Variants in TAF12 observed in about 807,000 individuals in gnomAD.
TAF12 encodes the protein TATA-box binding protein associated factor 12.
TAF12 carries 3 observed loss-of-function variants against 20.8 expected under a neutral mutation model. The observed-to-expected ratio is 0.14, with a 90% CI of 0.07 to 0.37. The LOEUF (loss-of-function observed/expected upper bound fraction) is 0.37, where lower values mean the gene tolerates loss of function less well. Ranked by LOEUF, TAF12 falls within the 10% of genes least tolerant of loss-of-function variation. The probability of loss-of-function intolerance (pLI) is 1.00; values close to 1 mark genes in which losing one functional copy is unlikely to be tolerated. For missense variants in TAF12, 131 were observed against 197.9 expected (o/e 0.66, Z 2.03); for synonymous variants, 69 against 70.2 (o/e 0.98, Z 0.09).
Position 28,635,449 on chromosome 1 carries a change from G to A in TAF12, c.-85+7543C>T, listed in dbSNP as rs570042016. Among the ~76,000 whole-genome samples the A allele has an allele frequency of 3.3e-5, 5 of 151,068 alleles. No homozygotes were observed. In the East Asian group the frequency reaches 1.0e-3, roughly 30 times the overall value. Reference sequence around the variant, plus strand: ...GCCTCCTGAGTAGCTGGGTCTACAGGCGCCTGCCACCACACCCGGCTAATT... The same window carrying A: ...GCCTCCTGAGTAGCTGGGTCTACAGACGCCTGCCACCACACCCGGCTAATT... On this transcript the variant is annotated intron_variant, in intron 1 of 5. Transcript: ENST00000373824.
intron 4 of TAF12, among the ~76,000 whole-genome samples, chr1:28,609,712 C>A (rs926752559): frequency 6.6e-6 from 1 of 151,944 alleles, no homozygotes; most frequent in African/African-American, 2.4e-5. Context: ...GTCTCGAACA[C>A]CTGACCTCAG....
intron 1 of TAF12, among the ~76,000 whole-genome samples, chr1:28,630,749 T>G (rs745429296): frequency 2.0e-5 from 3 of 151,004 alleles, no homozygotes; most frequent in African/African-American, 2.4e-5. Flanking sequence ...CAAAAGACAA[T>G]AAGAAGATAA....
intron 4 of TAF12, among the ~76,000 whole-genome samples, chr1:28,606,199 A>G (rs1013195075): frequency 6.6e-6 from 1 of 151,924 alleles, no homozygotes; most frequent in Non-Finnish European, 1.5e-5. Context: ...GGGTTTCACC[A>G]TCTCGGTCAG....
At chr1:28,642,268 C>T (rs987466841) in intron 1 of TAF12, among the ~76,000 whole-genome samples, 2 of 152,182 alleles carry the variant, frequency 1.3e-5, no homozygotes, top group Non-Finnish European at 2.9e-5. Context: ...GTTGTCTTCC[C>T]CTGAATACGT....
chr1:28,635,276 CTTTTTTTTTTTTT>C (rs1179724707), intron 1 of TAF12, among the ~76,000 whole-genome samples: 2 of 100,636 alleles, frequency 2.0e-5, no homozygotes, highest in South Asian at 6.4e-4. Context: ...ATCCTCCCTC[CTTTTTTTTTTTTT>C]TTTTTTTTTT....
At chr1:28,635,451 G>A (rs535874020) in intron 1 of TAF12, among the ~76,000 whole-genome samples, 6 of 150,624 alleles carry the variant, frequency 4.0e-5, no homozygotes, top group South Asian at 2.1e-4. Context: ...GTCTACAGGC[G>A]CCTGCCACCA....
chr1:28,615,582 T>C (rs751620533), intron 3 of TAF12, among the ~76,000 whole-genome samples: 4 of 142,986 alleles, frequency 2.8e-5, no homozygotes, highest in Non-Finnish European at 4.5e-5. Context: ...AGGAGGCTGA[T>C]GCAGGAGAAT....
intron 3 of TAF12, among the ~76,000 whole-genome samples, chr1:28,615,548 G>A (rs181915974): frequency 4.8e-4 from 73 of 151,660 alleles, no homozygotes; most frequent in African/African-American, 1.5e-3. Flanking sequence ...GTGTGGTGGC[G>A]TGTGCCTGTA....
chr1:28,604,147 C>T (rs774692779), intron 5 of TAF12, among the ~76,000 whole-genome samples: 2 of 152,118 alleles, frequency 1.3e-5, no homozygotes, highest in African/African-American at 4.8e-5. Context: ...TCAAGTGATC[C>T]ACCAGGCTCG....
chr1:28,617,222 G>T (rs1306500939), intron 3 of TAF12, among the ~76,000 whole-genome samples: 1 of 152,168 alleles, frequency 6.6e-6, no homozygotes, highest in Non-Finnish European at 1.5e-5. Flanking sequence ...TAAAATTGTT[G>T]AAAGTGATTG....
intron 1 of TAF12, among the ~76,000 whole-genome samples, chr1:28,629,655 G>A (rs546896979): frequency 6.6e-6 from 1 of 151,916 alleles, no homozygotes. Context: ...TTGTTTGTTT[G>A]TTTGCAGAGA....
At chr1:28,647,241 A>G (rs955124481), upstream of TAF12, among the ~76,000 whole-genome samples, 1 of 152,130 alleles carries the variant, frequency 6.6e-6, no homozygotes, top group African/African-American at 2.4e-5. Flanking sequence ...TTCACATTTT[A>G]TAACATCTCT....
At chr1:28,623,725 CAT>C (rs1290256786) in intron 1 of TAF12, among the ~76,000 whole-genome samples, 1 of 152,164 alleles carries the variant, frequency 6.6e-6, no homozygotes, top group African/African-American at 2.4e-5. Context: ...GCCCAATAAA[CAT>C]AACTTTTAGC....
chr1:28,632,447 C>T (rs763089297), intron 1 of TAF12, among the ~76,000 whole-genome samples: 8 of 151,994 alleles, frequency 5.3e-5, no homozygotes, highest in Non-Finnish European at 7.4e-5. Flanking sequence ...ACCCGGGAGG[C>T]GGAGGTTGCA....
At chr1:28,607,874 C>T (rs1666720029) in intron 4 of TAF12, among the ~76,000 whole-genome samples, 1 of 151,758 alleles carries the variant, frequency 6.6e-6, no homozygotes, top group African/African-American at 2.4e-5. Context: ...CGATGATTCA[C>T]ACCTGTAATC....
At chr1:28,628,222 A>AGGGGGGGGGGG (rs1291905001) in intron 1 of TAF12, among the ~76,000 whole-genome samples, 1 of 3,102 alleles carries the variant, frequency 3.2e-4, no homozygotes, top group African/African-American at 1.5e-3. Context: ...GACACGGTGC[A>AGGGGGGGGGGG]GGGGGTGGGG....
chr1:28,625,667 A>G (rs939491454), intron 1 of TAF12, among the ~76,000 whole-genome samples: 1 of 148,730 alleles, frequency 6.7e-6, no homozygotes, highest in Non-Finnish European at 1.5e-5. Context: ...TCAGCCTCCC[A>G]AGTAGCTGGG....
chr1:28,615,342 C>G (rs1666997455), intron 3 of TAF12, among the ~76,000 whole-genome samples: 1 of 151,870 alleles, frequency 6.6e-6, no homozygotes, highest in South Asian at 2.1e-4. Flanking sequence ...CAGATCAACT[C>G]TAAAAATAAC....
At chr1:28,608,798 C>T (rs1342309271) in intron 4 of TAF12, among the ~76,000 whole-genome samples, 5 of 151,106 alleles carry the variant, frequency 3.3e-5, no homozygotes, top group Non-Finnish European at 5.9e-5. Flanking sequence ...ATTAGCCAGG[C>T]GTGGTGGGAG....
Sources: allele counts gnomAD v4.1 joint callset (sites outside exome capture counted in the v4.1 genomes callset), GRCh38; gene constraint gnomAD v4.1.1; transcripts MANE v1.5; gene names NCBI Gene and HGNC (gene_info 2026-07-23, HGNC 2026-07-21).